PRDM1: variants seen among roughly 807,000 people sequenced by gnomAD.
PRDM1 encodes the protein PR/SET domain 1, also known as PR domain zinc finger protein 1.
A neutral mutation model predicts 62.8 loss-of-function variants in PRDM1; 13 were observed. The ratio of observed to expected loss-of-function variants is 0.21; its 90% CI spans 0.13 to 0.33. PRDM1 has a LOEUF of 0.33. PRDM1 is among the 10% of genes least tolerant of loss of function. The pLI, the probability that PRDM1 is intolerant of heterozygous loss-of-function variation, is 1.00. For missense variants in PRDM1, 895 were observed against 1,058.8 expected (o/e 0.85, Z 2.15); for synonymous variants, 396 against 417.6 (o/e 0.95, Z 0.63).
upstream of PRDM1, among the ~76,000 whole-genome samples, chr6:106,082,688 C>T (rs549843987): frequency 6.6e-6 from 1 of 152,240 alleles, no homozygotes; most frequent in South Asian, 2.1e-4. Context: ...CTTGAATTTA[C>T]TTAATTTTTG....
intron 3 of PRDM1, chr6:106,096,258 C>G (rs1350436852): frequency 1.3e-5 from 2 of 155,492 alleles, no homozygotes; most frequent in East Asian, 3.8e-4. Context: ...AAGCAATTGT[C>G]CTGCCTCAGC....
chr6:106,090,350 C>G (rs529341342), intron 2 of PRDM1, among the ~76,000 whole-genome samples: 2 of 152,304 alleles, frequency 1.3e-5, no homozygotes, highest in East Asian at 3.9e-4. Context: ...TCGAAACTAA[C>G]CTAAGAGGTG....
intron 2 of PRDM1, among the ~76,000 whole-genome samples, chr6:106,093,231 T>C (rs1774009643): frequency 6.6e-6 from 1 of 152,194 alleles, no homozygotes. Flanking sequence ...GTTGACTTCT[T>C]TTTGGGCACA....
chr6:106,106,529 G>C lies in PRDM1; in HGVS notation c.1902+30G>C. ...GCAGTATTTTCTGGGTAGACCTTCT[G>C]ACCTTTGTAGAAAATGTCTGTGAGT... On this transcript the variant is annotated intron_variant, in intron 6 of 6. Transcript: ENST00000369096. This position sits in a 1 kb window ranked among gnomAD's most constrained non-coding sequence, Gnocchi z 4.4. The C allele has an allele frequency of 6.2e-7, 1 of 1,613,080 alleles. No individual in the cohort carries two copies.
At chr6:106,083,772 T>C (rs1773738234), upstream of PRDM1, among the ~76,000 whole-genome samples, 1 of 152,230 alleles carries the variant, frequency 6.6e-6, no homozygotes, top group African/African-American at 2.4e-5. Context: ...GGGGAAATAA[T>C]ATAGTGACTA....
At chr6:106,029,778 T>G (rs576627734) in intron 1 of PRDM1, among the ~76,000 whole-genome samples, 3 of 150,974 alleles carry the variant, frequency 2.0e-5, no homozygotes, top group East Asian at 1.9e-4. Context: ...GGCTAATTGG[T>G]TTTTTTTTGT....
chr6:106,001,885 G>A (rs1316759815), intron 1 of PRDM1, among the ~76,000 whole-genome samples: 1 of 152,066 alleles, frequency 6.6e-6, no homozygotes, highest in East Asian at 1.9e-4. Flanking sequence ...GTATTTTTGA[G>A]CTAATATCCA....
At chr6:106,018,368 T>C (rs1337890259) in intron 1 of PRDM1, among the ~76,000 whole-genome samples, 1 of 152,230 alleles carries the variant, frequency 6.6e-6, no homozygotes, top group African/African-American at 2.4e-5. Context: ...CACACTCAAT[T>C]TCCCATGTTA....
At chr6:106,014,058 ATTTTTT>A (rs71006664) in intron 1 of PRDM1, among the ~76,000 whole-genome samples, 3 of 105,102 alleles carry the variant, frequency 2.9e-5, no homozygotes, top group Non-Finnish European at 5.4e-5. Context: ...AGGACAAGGA[ATTTTTT>A]TTTTTTTTTT....
At chr6:106,027,310 C>G (rs148970923) in intron 1 of PRDM1, among the ~76,000 whole-genome samples, 1 of 152,196 alleles carries the variant, frequency 6.6e-6, no homozygotes, top group Admixed American at 6.5e-5. Context: ...CCATCCTGCA[C>G]AATGTCCACA....
intron 2 of PRDM1, among the ~76,000 whole-genome samples, chr6:106,093,720 A>T (rs1380910575): frequency 6.6e-6 from 1 of 152,168 alleles, no homozygotes; most frequent in Non-Finnish European, 1.5e-5. Context: ...TCTTGTCCCC[A>T]GTAGTTTTAC....
intron 1 of PRDM1, among the ~76,000 whole-genome samples, chr6:106,056,794 C>T (rs1195803982): frequency 1.3e-5 from 2 of 152,192 alleles, no homozygotes; most frequent in African/African-American, 4.8e-5. Flanking sequence ...TTTTCCTTAA[C>T]CCTTCCTTCA....
At chr6:106,037,485 A>G (rs1212296800) in intron 1 of PRDM1, among the ~76,000 whole-genome samples, 3 of 152,042 alleles carry the variant, frequency 2.0e-5, no homozygotes, top group African/African-American at 4.8e-5. Flanking sequence ...CATGATGATG[A>G]GTATGTTGGT....
At chr6:106,017,733 G>A (rs1772640175) in intron 1 of PRDM1, among the ~76,000 whole-genome samples, 1 of 152,140 alleles carries the variant, frequency 6.6e-6, no homozygotes. Context: ...TTCGGAAAGG[G>A]ACCCTGAAGG....
chr6:106,001,055 G>C (rs546420808), intron 1 of PRDM1, among the ~76,000 whole-genome samples: 117 of 152,276 alleles, frequency 7.7e-4, no homozygotes, highest in African/African-American at 2.7e-3. Flanking sequence ...ACTTTGATAA[G>C]GTCTGACATT....
chr6:106,100,853 T>C (rs1383688592), intron 4 of PRDM1, among the ~76,000 whole-genome samples: 2 of 152,134 alleles, frequency 1.3e-5, no homozygotes, highest in African/African-American at 4.8e-5. Flanking sequence ...AAGAACTGGC[T>C]CTCAGTTCCC....
intron 1 of PRDM1, among the ~76,000 whole-genome samples, chr6:106,054,861 G>A (rs1300762364): frequency 6.6e-6 from 1 of 152,172 alleles, no homozygotes; most frequent in Non-Finnish European, 1.5e-5. Flanking sequence ...GTGTATATGT[G>A]TTCTTTCATA....
chr6:106,088,394 C>A lies in PRDM1; in HGVS notation c.236C>A (p.Ala79Glu), dbSNP rs1427730094. Reference sequence around the variant, plus strand: ...GCTGATGGCGGTACTTCGGTTCAGGCGGAGGCATCCTTACCAAGGAATCTG... The same window carrying A: ...GCTGATGGCGGTACTTCGGTTCAGGAGGAGGCATCCTTACCAAGGAATCTG... ...SGADGGTSVQ[A>E]EASLPRNLLF... Residue 79 changes from alanine (A) to glutamate (E), a missense_variant, in exon 2 of 7, where the codon GCG becomes GAG. By Grantham distance (107) the Ala-to-Glu change is moderately radical (BLOSUM62 -1). Transcript: ENST00000369096. 1.2e-6 allele frequency: 2 copies of A among 1,614,000 alleles called. No homozygotes were observed. The highest frequency in any genetic ancestry group is 1.7e-5 in the Admixed American group (1 of 60,004).
chr6:106,108,601 C>A lies in PRDM1; in HGVS notation c.*1115C>A, dbSNP rs1774587958. 4.4e-6 allele frequency: 1 copy of A among 224,990 alleles called. No individual in the cohort carries two copies. Among genetic ancestry groups the A allele is most frequent in the Non-Finnish European group, 8.6e-6 (1 of 115,766 alleles). The allele number at this position is 224,990 out of a possible 1,614,324, so 13.9% of individuals were successfully genotyped here. A position where few individuals can be genotyped will look rare whatever the true frequency, so the allele number is the denominator to read the frequency against. On this transcript the variant is annotated 3_prime_UTR_variant, in exon 7 of 7. Transcript: ENST00000369096. ...AGGAAGGATTCGAGGTAGATAGGCT[C>A]AGGCCACACTTTAAAAACAAACACA...
Sources: gnomAD v4.1 joint callset for allele counts (sites outside exome capture counted in the v4.1 genomes callset) on GRCh38, gnomAD v4.1.1 for gene constraint, Gnocchi (gnomAD v3.1) non-coding constraint, MANE v1.5 for transcripts, NCBI Gene and HGNC (gene_info 2026-07-23, HGNC 2026-07-21) for gene names.